Variants in DOCK9 observed in about 807,000 individuals in gnomAD.
DOCK9 encodes the protein dedicator of cytokinesis 9.
Under a neutral mutation model 263.3 loss-of-function variants are expected in DOCK9, and 89 were observed. That is an observed-to-expected ratio of 0.34 (90% CI 0.28 to 0.40). DOCK9 has a LOEUF of 0.40. DOCK9 is among the 10% of genes least tolerant of loss of function. The pLI is 1.00. For synonymous variants in DOCK9, 976 were observed against 973.1 expected (o/e 1.00, Z -0.06); for missense variants, 2,140 against 2,603.4 (o/e 0.82, Z 3.87).
intron 1 of DOCK9, among the ~76,000 whole-genome samples, chr13:99,010,862 G>C (rs555291194): frequency 6.6e-6 from 1 of 152,286 alleles, no homozygotes; most frequent in South Asian, 2.1e-4. Context: ...CTTAGTGATG[G>C]TAAAAAGGCT....
intron 1 of DOCK9, among the ~76,000 whole-genome samples, chr13:99,003,819 C>T (rs1882826621): frequency 6.6e-6 from 1 of 152,190 alleles, no homozygotes; most frequent in Non-Finnish European, 1.5e-5. Flanking sequence ...CCGTTATCCA[C>T]CCTGCAGGAT....
chr13:98,978,038 G>T lies in DOCK9; in HGVS notation c.-129C>A, dbSNP rs997939479. ...CTGGCTTCCCAGGCACAAGTGGTCA[G>T]CCCCGCTGGCTGGGTCTGCAGAGCC... is the stretch of plus-strand genomic sequence containing the variant. On this transcript the variant is annotated 5_prime_UTR_variant, in exon 1 of 53. In the 5' UTR this introduces an upstream ATG that the reference lacks. Transcript: ENST00000682017. 1 of 1,446,964 alleles carries T rather than the reference G, an allele frequency of 6.9e-7. No individual in the cohort carries two copies. The highest frequency in any genetic ancestry group is 9.1e-7 in the Non-Finnish European group (1 of 1,104,420). The allele number at this position is 1,446,964 out of a possible 1,614,324, so 89.6% of individuals were successfully genotyped here.
chr13:99,056,242 A>G (rs2040916482), intron 1 of DOCK9, among the ~76,000 whole-genome samples: 1 of 152,206 alleles, frequency 6.6e-6, no homozygotes, highest in Non-Finnish European at 1.5e-5. Context: ...GTTTCACCAT[A>G]CAAACTAATA....
chr13:99,086,385 TCCCGCGGCCCGGCCCGGC>T (rs1326186810), exon 1 of DOCK9: 2 of 1,118,924 alleles, frequency 1.8e-6, no homozygotes, highest in Non-Finnish European at 2.2e-6. Context: ...CTCCGCCTGC[TCCCGCGGCCCGGCCCGGC>T]CGCGCGGCCG....
intron 2 of DOCK9, among the ~76,000 whole-genome samples, chr13:98,945,337 G>A (rs565988673): frequency 1.3e-5 from 2 of 152,286 alleles, no homozygotes; most frequent in Middle Eastern, 3.4e-3. Flanking sequence ...CCTCACCCAA[G>A]AGCCGTCTAA....
At chr13:98,943,041 G>A (rs1226809792) in intron 2 of DOCK9, among the ~76,000 whole-genome samples, 1 of 152,146 alleles carries the variant, frequency 6.6e-6, no homozygotes, top group Non-Finnish European at 1.5e-5. Context: ...TCCCTACTGT[G>A]CCACCCATCA....
chr13:98,815,173 T>C (rs1050614218), intron 45 of DOCK9, among the ~76,000 whole-genome samples: 1 of 152,004 alleles, frequency 6.6e-6, no homozygotes, highest in Non-Finnish European at 1.5e-5. Context: ...AAGATTCCCT[T>C]TACCAAAGCC....
intron 1 of DOCK9, among the ~76,000 whole-genome samples, chr13:99,000,191 T>C (rs770996785): frequency 5.3e-5 from 8 of 152,196 alleles, no homozygotes; most frequent in Non-Finnish European, 8.8e-5. Flanking sequence ...ATTATAAATA[T>C]GCCACAATCC....
chr13:98,811,144 G>A (rs1463334999), intron 45 of DOCK9, among the ~76,000 whole-genome samples: 1 of 152,196 alleles, frequency 6.6e-6, no homozygotes, highest in African/African-American at 2.4e-5. Flanking sequence ...TGGATTGATT[G>A]ATGTTAATCT....
intron 32 of DOCK9, 82 bp from the exon 33 acceptor site, chr13:98,860,604 G>A: frequency 7.4e-7 from 1 of 1,352,954 alleles, no homozygotes; most frequent in Non-Finnish European, 1.0e-6. Flanking sequence ...CAGGGCAAGT[G>A]CAGGACCAAG....
At chr13:98,883,946 T>G in intron 21 of DOCK9, 47 bp from the exon 22 acceptor site, 1 of 1,417,914 alleles carries the variant, frequency 7.1e-7, no homozygotes, top group East Asian at 2.4e-5. Flanking sequence ...TTAGTTATTT[T>G]GGCTCTAACA....
intron 1 of DOCK9, chr13:99,086,188 C>T (rs1237278083): frequency 1.4e-6 from 2 of 1,468,950 alleles, no homozygotes; most frequent in Non-Finnish European, 1.8e-6. Flanking sequence ...GCGCCCCCGC[C>T]ATCCTCCCCC....
intron 47 of DOCK9, chr13:98,808,571 A>G (rs755435597): frequency 9.3e-7 from 1 of 1,075,716 alleles, no homozygotes; most frequent in Non-Finnish European, 1.4e-6. Context: ...AAACATCCAC[A>G]TCAAACTAGG....
intron 1 of DOCK9, among the ~76,000 whole-genome samples, chr13:99,008,202 CTCTCTCTCTCTATATATA>C (rs1296270594): frequency 2.5e-5 from 2 of 79,954 alleles, no homozygotes; most frequent in East Asian, 5.9e-4. Context: ...CTCTCTCTCT[CTCTCTCTCTCTATATATA>C]TATATATATA....
At chr13:98,884,239 C>T (rs972460111) in intron 21 of DOCK9, among the ~76,000 whole-genome samples, 1 of 152,192 alleles carries the variant, frequency 6.6e-6, no homozygotes, top group Non-Finnish European at 1.5e-5. Flanking sequence ...GTAAAAGGTG[C>T]CAGATAAAGC....
At chr13:98,865,668 C>A (rs12875139) in intron 30 of DOCK9, among the ~76,000 whole-genome samples, 1 of 151,958 alleles carries the variant, frequency 6.6e-6, no homozygotes, top group Non-Finnish European at 1.5e-5. Context: ...AGCCACTGGG[C>A]AAAAAGAGCT....
chr13:98,890,372 T>C (rs1218391666), intron 15 of DOCK9, among the ~76,000 whole-genome samples: 3 of 152,126 alleles, frequency 2.0e-5, no homozygotes, highest in Non-Finnish European at 2.9e-5. Flanking sequence ...CAGCGCTTCT[T>C]TGACTCATTC....
chr13:99,004,373 C>T (rs1021753933), intron 1 of DOCK9, among the ~76,000 whole-genome samples: 1 of 152,152 alleles, frequency 6.6e-6, no homozygotes, highest in Non-Finnish European at 1.5e-5. Flanking sequence ...AAAGAAAGCA[C>T]AAGGAAATAA....
intron 9 of DOCK9, among the ~76,000 whole-genome samples, chr13:98,909,903 T>G (rs1173159643): frequency 3.9e-5 from 6 of 152,180 alleles, no homozygotes; most frequent in African/African-American, 1.4e-4. Context: ...TGCATGCAAC[T>G]GTGGAAGATT....
Sources: allele counts gnomAD v4.1 joint callset (sites outside exome capture counted in the v4.1 genomes callset), GRCh38; gene constraint gnomAD v4.1.1; transcripts MANE v1.5; gene names NCBI Gene and HGNC (gene_info 2026-07-23, HGNC 2026-07-21).